Variants in ERICH1 observed in about 807,000 individuals in gnomAD.
The protein encoded by ERICH1 is glutamate-rich protein 1.
Under a neutral mutation model 39.6 loss-of-function variants are expected in ERICH1, and 56 were observed. The ratio of observed to expected loss-of-function variants is 1.41; its 90% CI spans 1.14 to 1.77. The LOEUF (loss-of-function observed/expected upper bound fraction) is 1.77, where lower values mean the gene tolerates loss of function less well. Among genes scored for constraint, ERICH1 ranks in the 40% most tolerant of loss-of-function variants. The pLI, the probability that ERICH1 is intolerant of heterozygous loss-of-function variation, is 0.00. For missense variants in ERICH1, 826 were observed against 575.4 expected, an observed-to-expected ratio of 1.44 and a Z score of -4.45; for synonymous variants, 313 against 223.6, an observed-to-expected ratio of 1.40 and a Z score of -3.57.
chr8:726,562 C>T (rs866029652), intron 1 of ERICH1, among the ~76,000 whole-genome samples: 9 of 151,696 alleles, frequency 5.9e-5, no homozygotes, highest in Non-Finnish European at 1.0e-4. Context: ...CACGTGTACA[C>T]AGGCACAAGA....
At position 664,332 on chromosome 8, in the gene ERICH1, T is replaced by G. The variant is rs772354625; in HGVS notation, c.*271A>C. 4 of 1,101,154 alleles carry G rather than the reference T, an allele frequency of 3.6e-6. No homozygotes were observed. Among genetic ancestry groups the G allele is most frequent in the Non-Finnish European group, 4.4e-6 (4 of 905,192 alleles). 68.2% of individuals were successfully genotyped at this position (1,101,154 alleles called of 1,614,324 possible). ...ATTTAACTTAACAGAATGTCCATTT[T>G]CAATTTTTACAATAAGTAGAGAAAC... is the stretch of plus-strand genomic sequence containing the variant. On this transcript the variant is annotated 3_prime_UTR_variant, in exon 6 of 6. Transcript: ENST00000262109.
At chr8:687,026 A>G (rs527900242) in intron 3 of ERICH1, among the ~76,000 whole-genome samples, 3 of 152,382 alleles carry the variant, frequency 2.0e-5, no homozygotes, top group South Asian at 4.1e-4. Context: ...CAGGAAAGGC[A>G]AAAGGCAGAG....
At chr8:708,282 C>G (rs1813755504) in intron 2 of ERICH1, among the ~76,000 whole-genome samples, 1 of 152,124 alleles carries the variant, frequency 6.6e-6, no homozygotes, top group African/African-American at 2.4e-5. Flanking sequence ...ATTTCCACTC[C>G]TAAGTATAAA....
chr8:719,872 A>G (rs1388564359), intron 1 of ERICH1, among the ~76,000 whole-genome samples: 1 of 152,188 alleles, frequency 6.6e-6, no homozygotes, highest in Admixed American at 6.5e-5. Flanking sequence ...CACTGGCCAC[A>G]GGGTCCACCG....
intron 1 of ERICH1, among the ~76,000 whole-genome samples, 198 bp from the exon 2 acceptor site, chr8:716,205 T>G (rs574006415): frequency 6.6e-6 from 1 of 152,348 alleles, no homozygotes; most frequent in African/African-American, 2.4e-5. Context: ...CCCTTGAGGC[T>G]GGCCCGAGGA....
At chr8:637,783 A>G (rs1584987309) in intron 3 of ERICH1, among the ~76,000 whole-genome samples, 1 of 152,120 alleles carries the variant, frequency 6.6e-6, no homozygotes, top group Non-Finnish European at 1.5e-5. Context: ...TGGGGAGTGG[A>G]GCAGCCGGGA....
chr8:671,147 T>A (rs1344717071), intron 4 of ERICH1, among the ~76,000 whole-genome samples: 5 of 147,246 alleles, frequency 3.4e-5, no homozygotes, highest in Non-Finnish European at 6.0e-5. Context: ...CAGCCCCGGT[T>A]CTAATGTCTG....
intron 1 of ERICH1, among the ~76,000 whole-genome samples, chr8:719,963 C>T (rs1024821121): frequency 6.6e-6 from 1 of 150,492 alleles, no homozygotes; most frequent in Non-Finnish European, 1.5e-5. Context: ...CAAGGCCCTA[C>T]AAGGTACCGC....
rs554943078 is a variant in ERICH1, at chr8:700,399, G to A, written c.170-7787C>T. Among the ~76,000 whole-genome samples the A allele has an allele frequency of 1.2e-4, 7 of 56,198 alleles. 1 individual carries two copies. The highest frequency in any genetic ancestry group is 1.6e-3 in the South Asian group (2 of 1,214). The allele number at this position is 56,198 out of a possible 152,430, so 36.9% of individuals were successfully genotyped here. On this transcript the variant is annotated intron_variant, in intron 2 of 5. Coordinates refer to ENST00000262109, the MANE Select transcript of ERICH1 (RefSeq NM_207332.3). ...CGCACAGGCCCGCACACGCGCACAG[G>A]CCCGCACAGGCGCACAGGCCCGCAG...
At chr8:616,616 G>T (rs1796913154) in intron 3 of ERICH1, 1 of 455,196 alleles carries the variant, frequency 2.2e-6, no homozygotes, top group Non-Finnish European at 4.4e-6. Flanking sequence ...AGAGTGAGTG[G>T]GGAGAGGGAG....
intron 3 of ERICH1, among the ~76,000 whole-genome samples, chr8:617,332 C>T (rs1796983540): frequency 6.6e-6 from 1 of 152,188 alleles, no homozygotes; most frequent in African/African-American, 2.4e-5. Context: ...CTTCCCCCAC[C>T]ATGTCCAGAG....
chr8:617,625 C>A (rs554851308), intron 3 of ERICH1, among the ~76,000 whole-genome samples: 6 of 151,376 alleles, frequency 4.0e-5, no homozygotes, highest in African/African-American at 1.5e-4. Flanking sequence ...CCTCTGAGTG[C>A]ATGGTACTTG....
chr8:700,713 G>C (rs992070457), intron 2 of ERICH1, among the ~76,000 whole-genome samples: 1 of 71,018 alleles, frequency 1.4e-5, no homozygotes, highest in Non-Finnish European at 4.2e-5. Flanking sequence ...GGTGCTCAGC[G>C]GTGGGAGGTC....
At chr8:666,491 C>G (rs1161082464) in intron 5 of ERICH1, 1 of 152,298 alleles carries the variant, frequency 6.6e-6, no homozygotes, top group African/African-American at 2.4e-5. Flanking sequence ...TCCGCACACA[C>G]AGGTGCCTTC....
At chr8:628,545 G>C (rs906076028) in intron 3 of ERICH1, among the ~76,000 whole-genome samples, 9 of 152,228 alleles carry the variant, frequency 5.9e-5, no homozygotes. Flanking sequence ...AAGGGGCTGG[G>C]AGGGGCATGG....
intron 4 of ERICH1, among the ~76,000 whole-genome samples, chr8:672,585 A>T (rs1238727495): frequency 6.6e-6 from 1 of 152,148 alleles, no homozygotes; most frequent in Non-Finnish European, 1.5e-5. Context: ...ACCCACAAAA[A>T]TTAAACAGTA....
chr8:727,112 G>A (rs892046194), intron 1 of ERICH1, among the ~76,000 whole-genome samples: 5 of 151,588 alleles, frequency 3.3e-5, no homozygotes, highest in Non-Finnish European at 7.4e-5. Flanking sequence ...ACACATGCAT[G>A]CACAGATACA....
chr8:682,912 CTCTAGGTGCTAAATAAAAAGTAGTAAACT>C lies in ERICH1; in HGVS notation c.305-8894_305-8866del, dbSNP rs544806803. Among the ~76,000 whole-genome samples the C allele has an allele frequency of 1.2e-3, 176 of 152,346 alleles. 1 individual carries two copies. Among genetic ancestry groups the C allele is most frequent in the African/African-American group, 4.1e-3 (172 of 41,576 alleles). ...TAATTACCCTCAAGCTACCAATGTC[CTCTAGGTGCTAAATAAAAAGTAGTAAACT>C]TCTTATCAAGTTGATCTAAACCCTA... On this transcript the variant is annotated intron_variant, in intron 3 of 5. Transcript: ENST00000262109.
At chr8:717,287 G>A (rs768600430) in intron 1 of ERICH1, among the ~76,000 whole-genome samples, 8 of 152,174 alleles carry the variant, frequency 5.3e-5, no homozygotes, top group Non-Finnish European at 8.8e-5. Context: ...TTTTGAATAT[G>A]ATGCAGAAGT....
Sources: allele counts gnomAD v4.1 joint callset (sites outside exome capture counted in the v4.1 genomes callset), GRCh38; gene constraint gnomAD v4.1.1; transcripts MANE v1.5; gene names NCBI Gene and HGNC (gene_info 2026-07-23, HGNC 2026-07-21).